The following DPRX variants were observed in gnomAD, a reference collection of about 807,000 sequenced individuals.
DPRX encodes divergent paired-related homeobox.
DPRX carries 11 observed loss-of-function variants against 8.4 expected under a neutral mutation model. That is an observed-to-expected ratio of 1.31 (90% CI 0.82 to 2.17). The LOEUF (loss-of-function observed/expected upper bound fraction) is 2.17, where lower values mean the gene tolerates loss of function less well. DPRX is among the 30% of genes most tolerant of loss of function. The pLI, the probability that DPRX is intolerant of heterozygous loss-of-function variation, is 0.00. For synonymous variants in DPRX, 72 were observed against 87.0 expected, an observed-to-expected ratio of 0.83 and a Z score of 0.96; for missense variants, 211 against 236.7, an observed-to-expected ratio of 0.89 and a Z score of 0.71.
At chr19:53,622,230 C>T in the DPRX span, among the ~76,000 whole-genome samples, 3 of 152,144 alleles carry the variant, frequency 2.0e-5, no homozygotes, top group Non-Finnish European at 2.9e-5. Context: ...CTGTGAGATG[C>T]TTTCAGCAGG....
the DPRX span, among the ~76,000 whole-genome samples, chr19:53,619,854 C>CAA: frequency 0.012 from 1,356 of 110,954 alleles, 21 homozygotes; most frequent in East Asian, 0.058. Flanking sequence ...GACTCTATCT[C>CAA]AAAAAAAAAA....
At chr19:53,623,954 A>AG in the DPRX span, among the ~76,000 whole-genome samples, 1 of 105,724 alleles carries the variant, frequency 9.5e-6, no homozygotes, top group Non-Finnish European at 2.1e-5. Context: ...CCGTCTCAAA[A>AG]AATAAATAAA....
At chr19:53,636,558 T>C in intron 2 of DPRX, 38 bp from the exon 3 acceptor site, 2 of 1,397,320 alleles carry the variant, frequency 1.4e-6, no homozygotes, top group East Asian at 4.9e-5. Flanking sequence ...ACAAGTCATC[T>C]GAATTCCACC....
chr19:53,623,779 C>T, the DPRX span, among the ~76,000 whole-genome samples: 2 of 151,802 alleles, frequency 1.3e-5, no homozygotes, highest in East Asian at 1.9e-4. Context: ...GGTGAAACCC[C>T]GTCTCTACTA....
At chr19:53,628,633 G>C (rs948761773), upstream of DPRX, among the ~76,000 whole-genome samples, 1 of 151,020 alleles carries the variant, frequency 6.6e-6, no homozygotes, top group Non-Finnish European at 1.5e-5. Context: ...CTTCTTGCCC[G>C]GGCAGGAGGG....
chr19:53,602,267 G>GGTGT, the DPRX span: 13,247 of 276,538 alleles, frequency 0.048, 300 homozygotes, highest in Admixed American at 0.06. Flanking sequence ...TATGGGTATG[G>GGTGT]GTGTGTGTGT....
the DPRX span, among the ~76,000 whole-genome samples, chr19:53,609,544 T>C: frequency 1.4e-3 from 188 of 136,468 alleles, 1 homozygote; most frequent in African/African-American, 4.7e-3. Flanking sequence ...AGAGCAATGG[T>C]ACAGTATAGA....
upstream of DPRX, chr19:53,631,971 G>A (rs2091094384): frequency 8.6e-7 from 1 of 1,167,516 alleles, no homozygotes; most frequent in East Asian, 2.4e-5. Context: ...GGATCATATT[G>A]GAGGCAGATA....
the DPRX span, among the ~76,000 whole-genome samples, chr19:53,602,798 C>G: frequency 6.6e-6 from 1 of 151,464 alleles, no homozygotes; most frequent in Non-Finnish European, 1.5e-5. Context: ...CACCCGGCCT[C>G]CCAGAGTGCT....
At chr19:53,621,219 A>G in the DPRX span, among the ~76,000 whole-genome samples, 3 of 151,594 alleles carry the variant, frequency 2.0e-5, no homozygotes, top group African/African-American at 7.3e-5. Context: ...TAAAGTCCCA[A>G]CCCCCCGGGT....
At chr19:53,603,457 A>G in the DPRX span, 23 of 452,454 alleles carry the variant, frequency 5.1e-5, no homozygotes, top group Middle Eastern at 3.3e-4. Context: ...TCAGGAACAC[A>G]TGCTGGGGAT....
At chr19:53,602,081 C>G in the DPRX span, 2 of 456,532 alleles carry the variant, frequency 4.4e-6, no homozygotes, top group Non-Finnish European at 8.8e-6. Flanking sequence ...GCAACACAGC[C>G]GCTGCGATGT....
At position 53,636,618 on chromosome 19, in the gene DPRX, C is replaced by G. The variant is rs747980450; in HGVS notation, c.206C>G (p.Ala69Gly). ...CAGGTCTGGTTCAAGAATCACAGAG[C>G]AAAACTCAAGAAAGCGAAATGCAAG... Residue 69 changes from alanine (A) to glycine (G), a missense_variant, in exon 3 of 3, where the codon GCA becomes GGA. By Grantham distance (60) the Ala-to-Gly change is moderately conservative. Coordinates refer to ENST00000376650, the Ensembl canonical transcript of DPRX. 7.4e-6 allele frequency: 12 copies of G among 1,612,088 alleles called. No homozygotes were observed. In the Admixed American group the frequency reaches 2.0e-4, roughly 27 times the overall value.
At chr19:53,602,115 C>A in the DPRX span, 1 of 456,562 alleles carries the variant, frequency 2.2e-6, no homozygotes, top group South Asian at 1.5e-5. Context: ...AGAGAACAGG[C>A]GTTTGGGCCA....
the DPRX span, among the ~76,000 whole-genome samples, chr19:53,620,687 T>C: frequency 6.6e-6 from 1 of 151,312 alleles, no homozygotes; most frequent in African/African-American, 2.4e-5. Flanking sequence ...CCATTTTAAA[T>C]TTTTTGTTAT....
chr19:53,631,155 G>A (rs554472280), upstream of DPRX, among the ~76,000 whole-genome samples: 2 of 151,892 alleles, frequency 1.3e-5, no homozygotes, highest in East Asian at 2.0e-4. Context: ...GCCAGGCTTG[G>A]TGGTGGGTGC....
the DPRX span, chr19:53,608,570 G>A: frequency 6.6e-6 from 1 of 152,316 alleles, no homozygotes; most frequent in African/African-American, 2.4e-5. Context: ...TTCCCGCAGG[G>A]GTGATGAAAA....
chr19:53,620,529 AT>A, the DPRX span, among the ~76,000 whole-genome samples: 2 of 150,948 alleles, frequency 1.3e-5, no homozygotes, highest in East Asian at 3.9e-4. Context: ...TGCCCGGCTA[AT>A]TTTTTGCATT....
At position 53,632,996 on chromosome 19, in the gene DPRX, G is replaced by A. The variant is rs551364602; in HGVS notation, c.28+862G>A. Among the ~76,000 whole-genome samples the A allele has an allele frequency of 4.6e-5, 7 of 151,796 alleles. No individual in the cohort carries two copies. In the East Asian group the frequency reaches 7.8e-4, roughly 17 times the overall value. On this transcript the variant is annotated intron_variant, in intron 1 of 2. Coordinates refer to ENST00000376650, the Ensembl canonical transcript of DPRX. The stretch of plus-strand genomic sequence containing the variant: ...GCCAAACCATTTTCAGGCATGATGC[G>A]ATTCAGATCTTTTAGAGCGAGGCAT...
Sources: gnomAD v4.1 joint callset for allele counts (sites outside exome capture counted in the v4.1 genomes callset) on GRCh38, gnomAD v4.1.1 for gene constraint, MANE v1.5 for transcripts, NCBI Gene and HGNC (gene_info 2026-07-23, HGNC 2026-07-21) for gene names.